Variants in WHRN observed in about 807,000 individuals in gnomAD.
The protein encoded by WHRN is CASK-interacting protein CIP98.
A neutral mutation model predicts 68.3 loss-of-function variants in WHRN; 41 were observed. That is an observed-to-expected ratio of 0.60 (90% confidence interval 0.47 to 0.78). The LOEUF (loss-of-function observed/expected upper bound fraction) is 0.78. Ranked by LOEUF, WHRN falls within the 30% of genes least tolerant of loss-of-function variation. WHRN has a pLI of 0.00. For synonymous variants in WHRN, 560 were observed against 561.3 expected, an observed-to-expected ratio of 1.00 and a Z score of 0.03; for missense variants, 1,243 against 1,244.7, an observed-to-expected ratio of 1.00 and a Z score of 0.02.
intron 7 of WHRN, among the ~76,000 whole-genome samples, chr9:114,411,562 T>C (rs1835439509): frequency 6.6e-6 from 1 of 152,224 alleles, no homozygotes; most frequent in African/African-American, 2.4e-5. Context: ...CACATTCAGC[T>C]GTGCAGGAAG....
At chr9:114,465,986 G>A (rs994201504) in intron 3 of WHRN, among the ~76,000 whole-genome samples, 2 of 152,146 alleles carry the variant, frequency 1.3e-5, no homozygotes, top group African/African-American at 2.4e-5. Flanking sequence ...TCCTCTCCAC[G>A]CATCGTAACA....
chr9:114,461,836 T>C (rs1395270077), intron 3 of WHRN, among the ~76,000 whole-genome samples: 2 of 152,224 alleles, frequency 1.3e-5, no homozygotes, highest in Non-Finnish European at 2.9e-5. Flanking sequence ...ATTATTACAA[T>C]TGTAACTAAA....
chr9:114,428,138 G>T (rs1837049928), intron 3 of WHRN, among the ~76,000 whole-genome samples: 1 of 152,176 alleles, frequency 6.6e-6, no homozygotes, highest in Non-Finnish European at 1.5e-5. Context: ...GACCAGCCTG[G>T]CCAACATGGC....
At chr9:114,404,424 T>A (rs1226113509) in intron 9 of WHRN, among the ~76,000 whole-genome samples, 1 of 152,258 alleles carries the variant, frequency 6.6e-6, no homozygotes, top group Admixed American at 6.5e-5. Flanking sequence ...AAAACTCACA[T>A]AATGCTACCA....
chr9:114,446,377 C>T (rs1838822010), intron 3 of WHRN, among the ~76,000 whole-genome samples: 1 of 152,002 alleles, frequency 6.6e-6, no homozygotes, highest in Non-Finnish European at 1.5e-5. Context: ...TTCGTGGGTA[C>T]AGAGAGTTTT....
chr9:114,430,607 G>A (rs1837330830), intron 3 of WHRN, among the ~76,000 whole-genome samples: 1 of 152,300 alleles, frequency 6.6e-6, no homozygotes, highest in Admixed American at 6.5e-5. Context: ...ACTTACTTCA[G>A]CCTCATCCTA....
intron 2 of WHRN, among the ~76,000 whole-genome samples, chr9:114,469,130 G>A (rs1156233685): frequency 6.6e-6 from 1 of 151,986 alleles, no homozygotes; most frequent in East Asian, 1.9e-4. Context: ...GTCGTGGCTG[G>A]CACAGGGAAG....
At chr9:114,467,611 G>T (rs1369709470) in intron 2 of WHRN, among the ~76,000 whole-genome samples, 1 of 152,116 alleles carries the variant, frequency 6.6e-6, no homozygotes, top group Non-Finnish European at 1.5e-5. Flanking sequence ...GAGTCGCAGT[G>T]GCCACAGCAG....
At chr9:114,473,439 T>G (rs1216015658) in intron 2 of WHRN, among the ~76,000 whole-genome samples, 1 of 152,198 alleles carries the variant, frequency 6.6e-6, no homozygotes, top group East Asian at 1.9e-4. Context: ...GCCTGAGATA[T>G]GAGCCTGACC....
chr9:114,430,039 G>A (rs1027635632), intron 3 of WHRN, among the ~76,000 whole-genome samples: 8 of 152,194 alleles, frequency 5.3e-5, no homozygotes, highest in Non-Finnish European at 7.3e-5. Flanking sequence ...AATAGCTTTC[G>A]CTTTCGTTGC....
intron 3 of WHRN, among the ~76,000 whole-genome samples, chr9:114,434,254 A>C (rs1389147984): frequency 6.6e-6 from 1 of 152,240 alleles, no homozygotes; most frequent in Admixed American, 6.5e-5. Flanking sequence ...AGTGAGGCTC[A>C]GAGAGGTGAA....
At position 114,406,546 on chromosome 9, in the gene WHRN, C is replaced by A. The variant is rs759899337; in HGVS notation, c.2045G>T (p.Arg682Leu). ...VNQHPIGPFP[R>L]VQSPPHLKSP... ...TTTCAGGTGCGGGGGTGACTGGACCCGTGGGAAGGGGCCGATGGGGTGTTG... is the reference window on the plus strand; with the variant it reads ...TTTCAGGTGCGGGGGTGACTGGACCAGTGGGAAGGGGCCGATGGGGTGTTG... Residue 682 changes from arginine (R) to leucine (L), a missense_variant, in exon 9 of 12, where the codon CGG (arginine) becomes CTG (leucine). Arg to Leu is a moderately radical substitution (Grantham distance 102). Coordinates refer to ENST00000362057, the MANE Select transcript of WHRN (RefSeq NM_015404.4). 5.0e-6 allele frequency: 8 copies of A among 1,612,844 alleles called. No individual in the cohort carries two copies. In the Admixed American group the frequency reaches 1.2e-4, roughly 24 times the overall value.
intron 1 of WHRN, among the ~76,000 whole-genome samples, chr9:114,489,012 A>G (rs912922696): frequency 6.6e-6 from 1 of 152,152 alleles, no homozygotes; most frequent in East Asian, 1.9e-4. Flanking sequence ...ATGCCTGGCC[A>G]GCCTCATCTC....
At chr9:114,491,931 C>T (rs1843005898) in intron 1 of WHRN, among the ~76,000 whole-genome samples, 1 of 151,862 alleles carries the variant, frequency 6.6e-6, no homozygotes, top group Non-Finnish European at 1.5e-5. Flanking sequence ...CTGGGTCACT[C>T]CCGGGGTGAC....
intron 3 of WHRN, among the ~76,000 whole-genome samples, chr9:114,464,836 TG>T (rs2132933206): frequency 6.9e-6 from 1 of 145,388 alleles, no homozygotes; most frequent in African/African-American, 2.8e-5. Flanking sequence ...ATGATGATGA[TG>T]ATGATGATGA....
At chr9:114,477,042 G>A (rs377561454) in intron 2 of WHRN, among the ~76,000 whole-genome samples, 23 of 152,182 alleles carry the variant, frequency 1.5e-4, no homozygotes, top group Non-Finnish European at 2.2e-4. Flanking sequence ...TTCCCTGGTG[G>A]GGAGAGGGTA....
intron 1 of WHRN, among the ~76,000 whole-genome samples, chr9:114,491,222 G>A (rs1054739011): frequency 2.0e-5 from 3 of 152,154 alleles, no homozygotes; most frequent in African/African-American, 7.2e-5. Flanking sequence ...ACATCCCTGT[G>A]CCTCATCACT....
chr9:114,454,137 C>A (rs964386818), intron 3 of WHRN, among the ~76,000 whole-genome samples: 2 of 152,138 alleles, frequency 1.3e-5, no homozygotes, highest in African/African-American at 4.8e-5. Context: ...TGAAGAGTAT[C>A]CACAGAAAAT....
At chr9:114,466,785 T>C (rs909525030) in intron 2 of WHRN, among the ~76,000 whole-genome samples, 1 of 152,094 alleles carries the variant, frequency 6.6e-6, no homozygotes. Flanking sequence ...CCCCGGGGTC[T>C]CAATTAGGCT....
Sources: allele counts gnomAD v4.1 joint callset (sites outside exome capture counted in the v4.1 genomes callset), GRCh38; gene constraint gnomAD v4.1.1; transcripts MANE v1.5; gene names NCBI Gene and HGNC (gene_info 2026-07-23, HGNC 2026-07-21).